The following LRMDA variants were observed in gnomAD, a reference collection of about 807,000 sequenced individuals.
LRMDA encodes the protein leucine rich melanocyte differentiation associated.
Under a neutral mutation model 29.8 loss-of-function variants are expected in LRMDA, and 18 were observed. That is an observed-to-expected ratio of 0.60 (90% confidence interval 0.42 to 0.90). The LOEUF (loss-of-function observed/expected upper bound fraction) is 0.90, where lower values mean the gene tolerates loss of function less well. LRMDA is among the 40% of genes least tolerant of loss of function. The probability of loss-of-function intolerance (pLI) is 0.00; values close to 1 mark genes in which losing one functional copy is unlikely to be tolerated. For synonymous variants in LRMDA, 125 were observed against 109.4 expected (o/e 1.14, Z -0.89); for missense variants, 273 against 273.9 (o/e 1.00, Z 0.02).
At chr10:76,525,803 A>G (rs1843169337) in intron 6 of LRMDA, among the ~76,000 whole-genome samples, 1 of 152,112 alleles carries the variant, frequency 6.6e-6, no homozygotes, top group South Asian at 2.1e-4. Flanking sequence ...AATTGAAGCT[A>G]ATTATTTGTG....
chr10:75,693,116 T>C (rs1400860727), intron 2 of LRMDA, among the ~76,000 whole-genome samples: 4 of 152,148 alleles, frequency 2.6e-5, no homozygotes, highest in Non-Finnish European at 4.4e-5. Context: ...CTTTCTGTAA[T>C]ATAGTGCTTG....
At chr10:75,980,034 C>G (rs937431695) in intron 2 of LRMDA, among the ~76,000 whole-genome samples, 17 of 152,024 alleles carry the variant, frequency 1.1e-4, no homozygotes, top group Non-Finnish European at 2.5e-4. Context: ...TAGTTCACAG[C>G]AAAAATTGAA....
chr10:75,806,823 A>C (rs1211814840), intron 2 of LRMDA, among the ~76,000 whole-genome samples: 3 of 61,930 alleles, frequency 4.8e-5, no homozygotes, highest in Non-Finnish European at 1.7e-4. Flanking sequence ...AAAAAAAAAA[A>C]AAAACCACAC....
chr10:75,887,986 G>A (rs917394392), intron 2 of LRMDA, among the ~76,000 whole-genome samples: 2 of 152,140 alleles, frequency 1.3e-5, no homozygotes, highest in African/African-American at 4.8e-5. Context: ...TCTTAAGAGA[G>A]TAATAAATAT....
At chr10:75,962,562 A>G (rs548288945) in intron 2 of LRMDA, among the ~76,000 whole-genome samples, 1 of 152,314 alleles carries the variant, frequency 6.6e-6, no homozygotes, top group African/African-American at 2.4e-5. Flanking sequence ...TGTGCACAGG[A>G]GTTCACTGCC....
At chr10:76,301,433 C>T (rs557505489) in intron 5 of LRMDA, among the ~76,000 whole-genome samples, 1 of 152,186 alleles carries the variant, frequency 6.6e-6, no homozygotes, top group Non-Finnish European at 1.5e-5. Context: ...GACGAAGAAG[C>T]GCAAGCTGGC....
intron 2 of LRMDA, among the ~76,000 whole-genome samples, chr10:75,937,822 A>G (rs920772993): frequency 6.6e-6 from 1 of 152,216 alleles, no homozygotes; most frequent in African/African-American, 2.4e-5. Flanking sequence ...GAAAATGCCA[A>G]TATATTAGCA....
intron 2 of LRMDA, among the ~76,000 whole-genome samples, chr10:75,989,346 A>G (rs572270888): frequency 6.6e-6 from 1 of 152,372 alleles, no homozygotes; most frequent in East Asian, 1.9e-4. Context: ...GCTTTTACTC[A>G]TGGCCGAAGG....
chr10:75,889,337 A>G (rs1391549903), intron 2 of LRMDA, among the ~76,000 whole-genome samples: 1 of 152,242 alleles, frequency 6.6e-6, no homozygotes, highest in Non-Finnish European at 1.5e-5. Flanking sequence ...TTCCTTTCAC[A>G]AGGAAAAATA....
intron 5 of LRMDA, among the ~76,000 whole-genome samples, chr10:76,146,670 T>A (rs1046196041): frequency 4.6e-5 from 7 of 152,258 alleles, no homozygotes; most frequent in South Asian, 2.1e-4. Context: ...TAATTGGAGC[T>A]TTTAGCCCAT....
chr10:75,721,133 CTGTT>C (rs1297302401), intron 2 of LRMDA, among the ~76,000 whole-genome samples: 2 of 152,154 alleles, frequency 1.3e-5, no homozygotes, highest in East Asian at 3.9e-4. Context: ...CAATCTGAGA[CTGTT>C]TGTAATTTAC....
intron 2 of LRMDA, among the ~76,000 whole-genome samples, chr10:75,711,635 C>T (rs552455840): frequency 1.3e-5 from 2 of 152,114 alleles, no homozygotes; most frequent in East Asian, 3.9e-4. Context: ...TCATCCTAAT[C>T]ATAGCTTATT....
At chr10:75,618,846 G>A (rs1182634120) in intron 2 of LRMDA, among the ~76,000 whole-genome samples, 1 of 147,282 alleles carries the variant, frequency 6.8e-6, no homozygotes, top group African/African-American at 2.5e-5. Flanking sequence ...GCATGATCTT[G>A]GCTTACTGCA....
At chr10:75,455,030 TTA>T (rs1844499674) in intron 2 of LRMDA, among the ~76,000 whole-genome samples, 1 of 152,154 alleles carries the variant, frequency 6.6e-6, no homozygotes, top group South Asian at 2.1e-4. Flanking sequence ...CCTGGGCCAC[TTA>T]TGTTTTGGAG....
chr10:76,492,810 C>A (rs1842846776), intron 6 of LRMDA, among the ~76,000 whole-genome samples: 1 of 152,012 alleles, frequency 6.6e-6, no homozygotes, highest in Non-Finnish European at 1.5e-5. Context: ...ACCATCAGAT[C>A]TCCTGAGAAC....
chr10:75,496,722 T>G (rs1342923674), intron 2 of LRMDA, among the ~76,000 whole-genome samples: 1 of 152,122 alleles, frequency 6.6e-6, no homozygotes, highest in Non-Finnish European at 1.5e-5. Context: ...CTTTCGGAAG[T>G]GCAGTTGAAG....
intron 2 of LRMDA, among the ~76,000 whole-genome samples, chr10:75,533,408 C>T (rs191502375): frequency 6.6e-6 from 1 of 152,174 alleles, no homozygotes; most frequent in Non-Finnish European, 1.5e-5. Flanking sequence ...AAAAGGCTGA[C>T]AAGGGAGCCT....
chr10:75,578,215 C>CAAAAAA (rs1183989010), intron 2 of LRMDA, among the ~76,000 whole-genome samples: 2,143 of 14,226 alleles, frequency 0.15, 681 homozygotes, highest in Non-Finnish European at 0.3. Context: ...AAATGGAAAG[C>CAAAAAA]AAAAAAAAAA....
At chr10:75,633,011 G>C (rs1841347199) in intron 2 of LRMDA, among the ~76,000 whole-genome samples, 1 of 151,990 alleles carries the variant, frequency 6.6e-6, no homozygotes, top group Non-Finnish European at 1.5e-5. Flanking sequence ...GATGTGGGGA[G>C]GGCTTGAGCG....
Sources: allele counts gnomAD v4.1 joint callset (sites outside exome capture counted in the v4.1 genomes callset), GRCh38; gene constraint gnomAD v4.1.1; transcripts MANE v1.5; gene names NCBI Gene and HGNC (gene_info 2026-07-23, HGNC 2026-07-21).